The following MAN2A1 variants were observed in gnomAD, a reference collection of about 807,000 sequenced individuals.
MAN2A1 encodes the protein alpha-mannosidase 2.
In MAN2A1, 76 loss-of-function variants were observed where a neutral mutation model predicts 142.6. That is an observed-to-expected ratio of 0.53 (90% CI 0.44 to 0.65). The LOEUF (loss-of-function observed/expected upper bound fraction) is 0.65. Among genes scored for constraint, MAN2A1 ranks in the 30% least tolerant of loss-of-function variants. The pLI, the probability that MAN2A1 is intolerant of heterozygous loss-of-function variation, is 0.00. For missense variants in MAN2A1, 1,311 were observed against 1,365.1 expected (o/e 0.96, Z 0.62); for synonymous variants, 559 against 473.2 (o/e 1.18, Z -2.35).
chr5:109,735,204 T>G (rs963305428), intron 4 of MAN2A1, among the ~76,000 whole-genome samples: 13 of 152,060 alleles, frequency 8.5e-5, no homozygotes, highest in African/African-American at 3.1e-4. Context: ...CCCCTGCCTT[T>G]TTTTGTTTTC....
At chr5:109,729,084 G>A (rs899832107) in intron 3 of MAN2A1, among the ~76,000 whole-genome samples, 10 of 151,954 alleles carry the variant, frequency 6.6e-5, no homozygotes, top group African/African-American at 2.4e-4. Flanking sequence ...TTTGGCCTTA[G>A]GTCATCTATC....
rs763332913 is a variant in MAN2A1 at position 109,690,411 on chromosome 5, G to C, written c.-7G>C. The C allele has an allele frequency of 3.1e-6, 5 of 1,614,062 alleles. No homozygotes were observed. Among genetic ancestry groups the C allele is most frequent in the Middle Eastern group, 1.6e-4 (1 of 6,062 alleles). ...AGAGTGTCCTGGCCCCGAGTCTATC[G>C]AGGAAAATGAAGTTAAGCCGCCAGT... On this transcript the variant is annotated 5_prime_UTR_variant, in exon 1 of 22. Transcript: ENST00000261483.
chr5:109,797,436 A>T (rs1048469547), intron 12 of MAN2A1, among the ~76,000 whole-genome samples: 7 of 152,146 alleles, frequency 4.6e-5, no homozygotes, highest in African/African-American at 1.7e-4. Context: ...GACCATCTTC[A>T]CTAGTGATGC....
chr5:109,851,303 G>A (rs954573573), intron 19 of MAN2A1, among the ~76,000 whole-genome samples: 1 of 152,200 alleles, frequency 6.6e-6, no homozygotes, highest in Non-Finnish European at 1.5e-5. Flanking sequence ...ATGGAAAATA[G>A]GATTCATCTC....
chr5:109,729,867 C>T (rs1259421636), intron 4 of MAN2A1, among the ~76,000 whole-genome samples: 3 of 152,068 alleles, frequency 2.0e-5, no homozygotes, highest in Non-Finnish European at 4.4e-5. Context: ...GTGCTCACGC[C>T]TGTAATTCCA....
At position 109,868,281 on chromosome 5, in the gene MAN2A1, C is replaced by G. The variant is rs547281298; in HGVS notation, c.*1283C>G. ...GGAATATGTTTGTTCATTCAGTTCT[C>G]AACTTTTGTATGTGCTAACCTTAAA... On this transcript the variant is annotated 3_prime_UTR_variant, in exon 22 of 22. Transcript: ENST00000261483. The G allele has an allele frequency of 6.6e-6, 1 of 152,292 alleles. No homozygotes were observed. The highest frequency in any genetic ancestry group is 2.4e-5 in the African/African-American group (1 of 41,564). 9.4% of individuals were successfully genotyped at this position (152,292 alleles called of 1,614,324 possible).
At chr5:109,789,084 G>A in intron 11 of MAN2A1, 36 bp downstream of exon 11, 1 of 1,080,782 alleles carries the variant, frequency 9.3e-7, no homozygotes, top group Non-Finnish European at 1.4e-6. Context: ...ATAAAAATGT[G>A]TAATTCCATT....
intron 6 of MAN2A1, among the ~76,000 whole-genome samples, chr5:109,769,642 C>T (rs1333912744): frequency 1.3e-5 from 2 of 152,194 alleles, no homozygotes; most frequent in Non-Finnish European, 2.9e-5. Context: ...AAAAGTAATT[C>T]TGCATCAGGA....
chr5:109,800,352 A>G lies in MAN2A1; in HGVS notation c.1943+10825A>G, dbSNP rs955701095. On this transcript the variant is annotated intron_variant, in intron 12 of 21. Coordinates refer to ENST00000261483, the MANE Select transcript of MAN2A1 (RefSeq NM_002372.4). ...ATAGTCCTCTGAAGAGACTTGCTAT[A>G]AACCTCTTGCCGGTATGGGTTGGTC... Among the ~76,000 whole-genome samples the G allele has an allele frequency of 3.9e-5, 6 of 152,274 alleles. No homozygotes were observed. In the South Asian group the frequency reaches 1.2e-3, roughly 32 times the overall value.
chr5:109,735,967 G>A (rs1240161170), intron 4 of MAN2A1, among the ~76,000 whole-genome samples: 1 of 139,392 alleles, frequency 7.2e-6, no homozygotes, highest in Non-Finnish European at 1.5e-5. Flanking sequence ...TTTTCTACCA[G>A]TACTGGGATT....
chr5:109,792,563 A>G (rs760103197), intron 12 of MAN2A1, among the ~76,000 whole-genome samples: 5 of 152,142 alleles, frequency 3.3e-5, no homozygotes, highest in Admixed American at 6.6e-5. Flanking sequence ...CTGATGGTCA[A>G]ATGTTTTAGT....
At chr5:109,762,032 A>G (rs918687550) in intron 5 of MAN2A1, among the ~76,000 whole-genome samples, 2 of 152,136 alleles carry the variant, frequency 1.3e-5, no homozygotes, top group Admixed American at 6.6e-5. Flanking sequence ...AGTAAGGAGA[A>G]ATCCTTCTGT....
chr5:109,775,479 CT>C (rs10713345), intron 8 of MAN2A1, among the ~76,000 whole-genome samples: 110,964 of 149,448 alleles, frequency 0.74, 42,194 homozygotes, highest in East Asian at 0.93. Flanking sequence ...GGTTCTTACT[CT>C]TTTTTTTTTT....
At chr5:109,722,684 G>T (rs1001711974) in intron 3 of MAN2A1, among the ~76,000 whole-genome samples, 8 of 152,132 alleles carry the variant, frequency 5.3e-5, no homozygotes, top group South Asian at 2.1e-4. Flanking sequence ...CCAAAGTGCT[G>T]GGATTACAGA....
rs1416842498 is a variant in MAN2A1 at position 109,869,375 on chromosome 5, C to T, written c.*2377C>T. On this transcript the variant is annotated 3_prime_UTR_variant, in exon 22 of 22. Coordinates refer to ENST00000261483, the MANE Select transcript of MAN2A1 (RefSeq NM_002372.4). The stretch of plus-strand genomic sequence containing the variant: ...TTCAAGAACTCAGCATCCTTGTTTT[C>T]TACAAATACTGATTAAAATAAAATG... The T allele has an allele frequency of 1.3e-5, 2 of 152,198 alleles. No individual in the cohort carries two copies. The highest frequency in any genetic ancestry group is 2.1e-4 in the South Asian group (1 of 4,814). The allele number at this position is 152,198 out of a possible 1,614,324, so 9.4% of individuals were successfully genotyped here. A position where few individuals can be genotyped will look rare whatever the true frequency, so the allele number is the denominator to read the frequency against.
At chr5:109,861,765 C>G (rs1755766255) in intron 20 of MAN2A1, among the ~76,000 whole-genome samples, 2 of 152,080 alleles carry the variant, frequency 1.3e-5, no homozygotes, top group South Asian at 4.1e-4. Flanking sequence ...TGCATGGGAA[C>G]AAGAAGGGAG....
chr5:109,741,936 A>G (rs945121998), intron 4 of MAN2A1, among the ~76,000 whole-genome samples: 2 of 152,172 alleles, frequency 1.3e-5, no homozygotes, highest in African/African-American at 2.4e-5. Context: ...ATTGTTTTCT[A>G]TGCTTGTTTT....
chr5:109,860,238 A>G (rs1755721766), intron 20 of MAN2A1, among the ~76,000 whole-genome samples: 1 of 152,178 alleles, frequency 6.6e-6, no homozygotes, highest in Non-Finnish European at 1.5e-5. Flanking sequence ...CAGAACAGCC[A>G]TTTACCTTCC....
chr5:109,863,128 A>G (rs1013394068), intron 20 of MAN2A1: 3 of 152,226 alleles, frequency 2.0e-5, no homozygotes, highest in African/African-American at 7.2e-5. Context: ...GTTAAAATGG[A>G]CAAATGCTTT....
Sources: allele counts gnomAD v4.1 joint callset (sites outside exome capture counted in the v4.1 genomes callset), GRCh38; gene constraint gnomAD v4.1.1; transcripts MANE v1.5; gene names NCBI Gene and HGNC (gene_info 2026-07-23, HGNC 2026-07-21).